The following MOV10L1 variants were observed in gnomAD, a reference collection of about 807,000 sequenced individuals.
MOV10L1 encodes the protein RNA helicase Mov10l1.
In MOV10L1, 110 loss-of-function variants were observed where a neutral mutation model predicts 143.8. That is an observed-to-expected ratio of 0.76 (90% CI 0.66 to 0.90). The LOEUF is 0.90. Ranked by LOEUF, MOV10L1 falls within the 40% of genes least tolerant of loss-of-function variation. MOV10L1 has a pLI of 0.00. For missense variants in MOV10L1, 1,406 were observed against 1,526.8 expected, an observed-to-expected ratio of 0.92 and a Z score of 1.32; for synonymous variants, 593 against 581.1, an observed-to-expected ratio of 1.02 and a Z score of -0.29.
At position 50,092,163 on chromosome 22, in the gene MOV10L1, C is replaced by A. The variant is rs544640915; in HGVS notation, c.260C>A (p.Ser87Tyr). The A allele has an allele frequency of 1.2e-6, 2 of 1,613,918 alleles. No individual in the cohort carries two copies. The highest frequency in any genetic ancestry group is 2.2e-5 in the East Asian group (1 of 44,882). ...VIAVVEENKV[S>Y]NGLKAIRVEA... ...GCAGTTGTGGAAGAAAATAAAGTGTCCAATGGACTGAAAGCAATCAGGGTA... is the reference window on the plus strand; with the variant it reads ...GCAGTTGTGGAAGAAAATAAAGTGTACAATGGACTGAAAGCAATCAGGGTA... The change falls in exon 2 of 27, where the codon TCC becomes TAC. Residue 87 changes from serine (S) to tyrosine (Y), a missense_variant. By Grantham distance (144) the Ser-to-Tyr change is moderately radical. Around this residue, in one of 3 missense-constraint regions of MOV10L1, gnomAD observed 166 missense variants for 153.9 expected, o/e 1.08. Coordinates refer to ENST00000262794, the MANE Select transcript of MOV10L1 (RefSeq NM_018995.3).
At chr22:50,102,625 G>A (rs771875888) in intron 3 of MOV10L1, among the ~76,000 whole-genome samples, 1 of 152,190 alleles carries the variant, frequency 6.6e-6, no homozygotes, top group Non-Finnish European at 1.5e-5. Context: ...CATCAGGCCT[G>A]GCACAGTGGC....
chr22:50,153,146 A>C lies in MOV10L1; in HGVS notation c.2994A>C (p.Thr998=). The C allele has an allele frequency of 6.2e-7, 1 of 1,614,114 alleles. No individual in the cohort carries two copies. Among genetic ancestry groups the C allele is most frequent in the Non-Finnish European group, 8.5e-7 (1 of 1,179,960 alleles). ...HRELEVCADP[T]VVTSLLGWEK... ...AACTCGAGGTCTGTGCGGACCCCAC[A>C]GTGGTGACCTCCTTGCTGGGCTGGG... The change falls in exon 22 of 27, where the codon ACA becomes ACC. Residue 998 remains threonine, a synonymous_variant. Transcript: ENST00000262794.
chr22:50,145,136 T>C (rs1215624244), intron 18 of MOV10L1, among the ~76,000 whole-genome samples: 1 of 151,836 alleles, frequency 6.6e-6, no homozygotes, highest in Non-Finnish European at 1.5e-5. Flanking sequence ...GAGACAGGGT[T>C]TCACCATGTT....
At chr22:50,114,991 C>G (rs926124461) in intron 7 of MOV10L1, 123 bp from the exon 8 acceptor site, 25 of 1,098,922 alleles carry the variant, frequency 2.3e-5, no homozygotes, top group Non-Finnish European at 3.1e-5. Context: ...GGCTTTGCCC[C>G]GTGTTTTTGT....
At chr22:50,112,873 C>G (rs2062061036) in intron 5 of MOV10L1, among the ~76,000 whole-genome samples, 1 of 152,238 alleles carries the variant, frequency 6.6e-6, no homozygotes, top group South Asian at 2.1e-4. Flanking sequence ...TGTGGACTCT[C>G]TGCCCCTGTA....
intron 3 of MOV10L1, among the ~76,000 whole-genome samples, chr22:50,107,222 C>G (rs1381884964): frequency 6.6e-6 from 1 of 151,632 alleles, no homozygotes; most frequent in Non-Finnish European, 1.5e-5. Context: ...CTACAGGCGC[C>G]TACCACCGCT....
At chr22:50,101,519 T>G (rs2061743551) in intron 3 of MOV10L1, among the ~76,000 whole-genome samples, 1 of 148,840 alleles carries the variant, frequency 6.7e-6, no homozygotes, top group Non-Finnish European at 1.5e-5. Flanking sequence ...GTGGGTTTTG[T>G]TTTTTTTTTC....
chr22:50,147,761 T>C (rs1239969946), intron 19 of MOV10L1, among the ~76,000 whole-genome samples: 2 of 152,244 alleles, frequency 1.3e-5, no homozygotes, highest in African/African-American at 4.8e-5. Flanking sequence ...CCTAAATACT[T>C]ACATTCTAGG....
chr22:50,121,869 T>C (rs2062357041), intron 10 of MOV10L1, among the ~76,000 whole-genome samples: 1 of 152,078 alleles, frequency 6.6e-6, no homozygotes, highest in Non-Finnish European at 1.5e-5. Context: ...TCCAGCTTTG[T>C]TGTTCTTTGG....
chr22:50,135,121 C>G (rs757751105), intron 15 of MOV10L1, among the ~76,000 whole-genome samples: 1 of 151,804 alleles, frequency 6.6e-6, no homozygotes, highest in Non-Finnish European at 1.5e-5. Flanking sequence ...TCAAGTGATT[C>G]TCCTGTCTCA....
chr22:50,141,976 TA>T, intron 15 of MOV10L1, 104 bp from the exon 16 acceptor site: 1 of 754,260 alleles, frequency 1.3e-6, no homozygotes. Flanking sequence ...AGCTGTTAAA[TA>T]AATATACTAA....
In MOV10L1 at chr22:50,128,469, T is replaced by A; in HGVS notation, c.1872T>A (p.Tyr624Ter). ...TTAATCCAGAATTTGAACAAGCCTA[T>A]AACTTTGAACCTATGGATGTGGAAT... The part of the protein sequence containing the change: ...LKINPEFEQA[Y>*]NFEPMDVEFT... The change falls in exon 13 of 27, where the codon TAT becomes TAA. Residue 624 changes from tyrosine (Y) to a stop codon, truncating the protein, a stop_gained. Transcript: ENST00000262794. LOFTEE classifies it high-confidence loss of function. The A allele has an allele frequency of 6.4e-7, 1 of 1,558,492 alleles. No homozygotes were observed. The highest frequency in any genetic ancestry group is 1.1e-5 in the South Asian group (1 of 88,856).
rs964703055 is a variant in MOV10L1, at chr22:50,128,822, C to T, written c.1910+315C>T. Among the ~76,000 whole-genome samples, 149 of 150,040 alleles carry T rather than the reference C, an allele frequency of 9.9e-4. 1 individual carries two copies. The highest frequency in any genetic ancestry group is 1.8e-3 in the Non-Finnish European group (120 of 67,694). ...CCTCCCAAAGTGCTGGGATTACAGG[C>T]GTGAGTCACCACGCCCGGCCATCTT... is the stretch of plus-strand genomic sequence containing the variant. On this transcript the variant is annotated intron_variant, in intron 13 of 26. Transcript: ENST00000262794.
At position 50,144,623 on chromosome 22, in the gene MOV10L1, C is replaced by T. The variant is rs560373575; in HGVS notation, c.2505+380C>T. Among the ~76,000 whole-genome samples the T allele has an allele frequency of 1.4e-4, 21 of 151,944 alleles. No homozygotes were observed. The East Asian group carries it at 4.1e-3, about 29-fold the overall frequency. On this transcript the variant is annotated intron_variant, in intron 18 of 26. Coordinates refer to ENST00000262794, the MANE Select transcript of MOV10L1 (RefSeq NM_018995.3). ...TTGAGACGGAGTCTCGCTGTGTCGC[C>T]CAGGCTGAAGTGCAGTGGCATGATC...
At chr22:50,120,201 T>C (rs2062300027) in intron 9 of MOV10L1, among the ~76,000 whole-genome samples, 5 of 152,132 alleles carry the variant, frequency 3.3e-5, no homozygotes, top group Admixed American at 3.3e-4. Flanking sequence ...AACAGCTGTT[T>C]CCAAACTCCT....
rs1230282689 is a variant in MOV10L1 at position 50,152,805 on chromosome 22, A to T, written c.2893-240A>T. On this transcript the variant is annotated intron_variant, in intron 21 of 26. Transcript: ENST00000262794. The surrounding 1 kb of genome is among the most constrained non-coding windows in gnomAD (Gnocchi z 4.4). ...CGGCACCCAGACCCAGGAGAGGAAC[A>T]GAGGGCAGCCGTCACACCCTTTTCT... Among the ~76,000 whole-genome samples, 2 of 152,144 alleles carry T rather than the reference A, an allele frequency of 1.3e-5. No homozygotes were observed. Among genetic ancestry groups the T allele is most frequent in the Non-Finnish European group, 2.9e-5 (2 of 68,018 alleles).
intron 15 of MOV10L1, among the ~76,000 whole-genome samples, chr22:50,141,327 C>T (rs1038361496): frequency 6.8e-6 from 1 of 148,082 alleles, no homozygotes; most frequent in South Asian, 2.2e-4. Context: ...TGAGCCACTG[C>T]GTGCAGCCTT....
intron 19 of MOV10L1, among the ~76,000 whole-genome samples, chr22:50,147,928 G>A (rs1419092937): frequency 6.6e-6 from 1 of 152,254 alleles, no homozygotes; most frequent in Non-Finnish European, 1.5e-5. Flanking sequence ...GAAGTGAAAG[G>A]TGTCAGCTGA....
chr22:50,090,353 C>T (rs1180030175), intron 1 of MOV10L1, 168 bp downstream of exon 1: 3 of 1,514,672 alleles, frequency 2.0e-6, no homozygotes, highest in African/African-American at 1.4e-5. Context: ...AGGAGGCTTC[C>T]GACCCCACAG....
Sources: allele counts gnomAD v4.1 joint callset (sites outside exome capture counted in the v4.1 genomes callset), GRCh38; gene constraint gnomAD v4.1.1; regional missense constraint gnomAD v4.1.1; non-coding constraint Gnocchi (gnomAD v3.1); transcripts MANE v1.5; gene names NCBI Gene and HGNC (gene_info 2026-07-23, HGNC 2026-07-21).